Variants in TNKS observed in about 807,000 individuals in gnomAD.
The protein encoded by TNKS is tankyrase.
In TNKS, 72 loss-of-function variants were observed where a neutral mutation model predicts 135.8. The observed-to-expected ratio is 0.53, with a 90% confidence interval of 0.44 to 0.64. TNKS has a LOEUF of 0.64. Ranked by LOEUF, TNKS falls within the 30% of genes least tolerant of loss-of-function variation. TNKS has a pLI of 0.00. For missense variants in TNKS, 1,769 were observed against 1,674.0 expected, an observed-to-expected ratio of 1.06 and a Z score of -0.99; for synonymous variants, 849 against 649.3, an observed-to-expected ratio of 1.31 and a Z score of -4.68.
intron 2 of TNKS, among the ~76,000 whole-genome samples, chr8:9,591,099 GT>G (rs1798575998): frequency 6.6e-6 from 1 of 152,212 alleles, no homozygotes; most frequent in Admixed American, 6.5e-5. Flanking sequence ...AGGGTCCAAC[GT>G]CATGCCTTTG....
chr8:9,569,057 C>G (rs1385258319), intron 1 of TNKS, among the ~76,000 whole-genome samples: 1 of 152,034 alleles, frequency 6.6e-6, no homozygotes. Context: ...TTAATATTGC[C>G]ACTAATCTCA....
chr8:9,688,069 C>G (rs933092916), intron 5 of TNKS, among the ~76,000 whole-genome samples: 6 of 152,192 alleles, frequency 3.9e-5, no homozygotes, highest in African/African-American at 1.4e-4. Flanking sequence ...ATTTCTCCAA[C>G]TGAATGGATG....
At chr8:9,719,586 C>T (rs6990116) in intron 11 of TNKS, among the ~76,000 whole-genome samples, 133,089 of 152,146 alleles carry the variant, frequency 0.87, 58,707 homozygotes, top group Non-Finnish European at 0.93. Flanking sequence ...GGAGACTTAT[C>T]TACACTGGAT....
At chr8:9,714,900 T>G (rs1309560660) in intron 11 of TNKS, among the ~76,000 whole-genome samples, 4 of 151,850 alleles carry the variant, frequency 2.6e-5, no homozygotes, top group Non-Finnish European at 1.5e-5. Flanking sequence ...TATAAAAGAG[T>G]TTAAGATTAG....
At chr8:9,727,473 G>A (rs755109886) in intron 13 of TNKS, among the ~76,000 whole-genome samples, 11 of 152,072 alleles carry the variant, frequency 7.2e-5, no homozygotes, top group Non-Finnish European at 1.0e-4. Context: ...TTGCTGTATT[G>A]CCCAGGCAGG....
chr8:9,674,595 C>A (rs1032524008), intron 3 of TNKS, among the ~76,000 whole-genome samples: 2 of 152,258 alleles, frequency 1.3e-5, no homozygotes, highest in African/African-American at 4.8e-5. Context: ...TAGCTAGTTA[C>A]CTGTGCCTAC....
intron 1 of TNKS, among the ~76,000 whole-genome samples, chr8:9,567,316 G>C (rs959754478): frequency 6.6e-5 from 10 of 152,176 alleles, no homozygotes; most frequent in Non-Finnish European, 1.5e-4. Flanking sequence ...TTGTTCAGTT[G>C]ATTGTTTTTA....
Position 9,556,040 on chromosome 8 carries a change from C to T in TNKS, c.101C>T (p.Pro34Leu), listed in dbSNP as rs371322654. ...GCGCCGCCGCCGCCACCTCCTCCCC[C>T]ACTCAGCCCTGGCCTGGCCCCGGGG... ...ASAPPPPPPP[P>L]LSPGLAPGTT... The change falls in exon 1 of 27, where the codon CCA becomes CTA. Residue 34 changes from proline to leucine, a missense_variant. Transcript: ENST00000310430. 1.9e-6 allele frequency: 3 copies of T among 1,611,682 alleles called. No individual in the cohort carries two copies. Among genetic ancestry groups the T allele is most frequent in the Admixed American group, 1.7e-5 (1 of 59,898 alleles).
At chr8:9,575,128 C>T (rs1369987606) in intron 1 of TNKS, 5 of 951,712 alleles carry the variant, frequency 5.3e-6, no homozygotes, top group Non-Finnish European at 6.3e-6. Flanking sequence ...GCTCTGTTGC[C>T]CAGGCTGGAG....
At chr8:9,717,073 A>T (rs1269745775) in intron 11 of TNKS, among the ~76,000 whole-genome samples, 1 of 34,022 alleles carries the variant, frequency 2.9e-5, no homozygotes, top group African/African-American at 8.6e-5. Context: ...TTGTATTATA[A>T]TATATATATA....
chr8:9,684,640 C>A (rs1802911703), intron 5 of TNKS, among the ~76,000 whole-genome samples: 1 of 152,012 alleles, frequency 6.6e-6, no homozygotes, highest in South Asian at 2.1e-4. Context: ...TATATGTCAC[C>A]AATTAAAAGT....
chr8:9,726,605 G>GAT (rs748222042), intron 12 of TNKS, 36 bp from the exon 13 acceptor site: 31 of 1,481,520 alleles, frequency 2.1e-5, no homozygotes, highest in East Asian at 1.4e-4. Flanking sequence ...TATGAGTTTG[G>GAT]ATATATATAT....
intron 2 of TNKS, among the ~76,000 whole-genome samples, chr8:9,598,703 A>ATGTG (rs1491150725): frequency 8.9e-6 from 1 of 112,806 alleles, no homozygotes; most frequent in African/African-American, 3.7e-5. Flanking sequence ...CTTGTCTAAA[A>ATGTG]TATGTGTGTG....
intron 3 of TNKS, 63 bp from the exon 4 acceptor site, chr8:9,679,888 T>A (rs1802707420): frequency 7.8e-7 from 1 of 1,288,868 alleles, no homozygotes. Flanking sequence ...ATTTGCTGCC[T>A]ACTGCATTTC....
At position 9,639,329 on chromosome 8, in the gene TNKS, G is replaced by A. The variant is rs532212963; in HGVS notation, c.994+23652G>A. ...CAAACTGTCAGTTGTTTAAACATAA[G>A]GAGAGTAGCTTATGAACAGTTTATT... On this transcript the variant is annotated intron_variant, in intron 3 of 26. Coordinates refer to ENST00000310430, the MANE Select transcript of TNKS (RefSeq NM_003747.3). Among the ~76,000 whole-genome samples the A allele has an allele frequency of 2.0e-5, 3 of 152,082 alleles. No individual in the cohort carries two copies. The South Asian group carries it at 6.2e-4, about 32-fold the overall frequency.
chr8:9,584,840 G>C (rs891351944), intron 2 of TNKS, among the ~76,000 whole-genome samples: 7 of 152,198 alleles, frequency 4.6e-5, no homozygotes, highest in Non-Finnish European at 8.8e-5. Context: ...TCTCATTAGG[G>C]AAGAGACAGC....
At chr8:9,770,515 C>G (rs764374110) in intron 26 of TNKS, among the ~76,000 whole-genome samples, 1 of 152,254 alleles carries the variant, frequency 6.6e-6, no homozygotes, top group African/African-American at 2.4e-5. Context: ...GGCTTGGGCC[C>G]TCATGCCGTT....
Position 9,592,665 on chromosome 8 carries a change from C to T in TNKS, c.898+12282C>T, listed in dbSNP as rs115846549. On this transcript the variant is annotated intron_variant, in intron 2 of 26. Transcript: ENST00000310430. ...CCACTTTCATACGTATTCTTATTGT[C>T]TATCACTGATGTCTAATTATATTCA... 5.0e-3 allele frequency among the ~76,000 whole-genome samples: 765 copies of T among 152,266 alleles called. 5 individuals carry two copies. The highest frequency in any genetic ancestry group is 0.018 in the African/African-American group (728 of 41,542).
At chr8:9,606,841 A>G (rs1799240022) in intron 2 of TNKS, among the ~76,000 whole-genome samples, 2 of 152,072 alleles carry the variant, frequency 1.3e-5, no homozygotes, top group Admixed American at 1.3e-4. Flanking sequence ...AGATCACCTT[A>G]TTGCTGGTTT....
Sources: gnomAD v4.1 joint callset for allele counts (sites outside exome capture counted in the v4.1 genomes callset) on GRCh38, gnomAD v4.1.1 for gene constraint, MANE v1.5 for transcripts, NCBI Gene and HGNC (gene_info 2026-07-23, HGNC 2026-07-21) for gene names.